Variants in SIGIRR observed in about 807,000 individuals in gnomAD.
SIGIRR encodes the protein single Ig and TIR domain containing.
Under a neutral mutation model 45.6 loss-of-function variants are expected in SIGIRR, and 41 were observed. The ratio of observed to expected loss-of-function variants is 0.90; its 90% CI spans 0.70 to 1.17. SIGIRR has a LOEUF of 1.17. SIGIRR is among the 50% of genes most tolerant of loss of function. SIGIRR has a pLI of 0.00. For missense variants in SIGIRR, 599 were observed against 539.6 expected, an observed-to-expected ratio of 1.11 and a Z score of -1.09; for synonymous variants, 298 against 239.0, an observed-to-expected ratio of 1.25 and a Z score of -2.28.
At position 407,179 on chromosome 11, in the gene SIGIRR, G is replaced by C. The variant is rs774605621; in HGVS notation, c.626-15C>G. The C allele has an allele frequency of 7.3e-7, 1 of 1,376,814 alleles. No individual in the cohort carries two copies. Among genetic ancestry groups the C allele is most frequent in the South Asian group, 1.4e-5 (1 of 69,060 alleles). The allele number at this position is 1,376,814 out of a possible 1,614,324, so 85.3% of individuals were successfully genotyped here. ...GGCGGAGGGCTCTGCGGGAGGGCGG[G>C]CGTCGGCGGCGCAGGGGCGGGGGCG... On this transcript the variant is annotated splice_polypyrimidine_tract_variant and intron_variant, in intron 6 of 9. Transcript: ENST00000431843.
chr11:407,461 G>A lies in SIGIRR; in HGVS notation c.589C>T (p.Leu197Phe). Residue 197 changes from leucine (L) to phenylalanine (F), a missense_variant, in exon 6 of 10, where the codon CTC (leucine) becomes TTC (phenylalanine). Leu to Phe is a conservative substitution (Grantham distance 22). Transcript: ENST00000431843. The part of the protein sequence containing the change: ...PQLERRRGYK[L>F]FLDDRDLLPR... The stretch of plus-strand genomic sequence containing the variant: ...AGGAGGTCGCGGTCGTCCAGGAAGA[G>A]CTTGTAGCCCCGACGCCGCTCCAGC... 1.3e-6 allele frequency: 2 copies of A among 1,564,064 alleles called. No individual in the cohort carries two copies.
intron 2 of SIGIRR, 60 bp downstream of exon 2, chr11:409,808 G>A: frequency 7.3e-7 from 1 of 1,368,848 alleles, no homozygotes; most frequent in Non-Finnish European, 9.5e-7. Flanking sequence ...TGTGGAGCCA[G>A]CCTGAGGGGC....
At chr11:409,833 G>A in intron 2 of SIGIRR, 35 bp downstream of exon 2, 1 of 1,365,922 alleles carries the variant, frequency 7.3e-7, no homozygotes, top group Non-Finnish European at 9.5e-7. Context: ...GGTGGGAGTG[G>A]GGAATTCAAG....
intron 8 of SIGIRR, 137 bp downstream of exon 8, chr11:406,706 G>A (rs1320388371): frequency 2.1e-6 from 3 of 1,413,568 alleles, no homozygotes; most frequent in African/African-American, 2.9e-5. Flanking sequence ...GCCCCAGGCA[G>A]CGGAACCTCC....
In SIGIRR at chr11:406,549, G is replaced by A; in HGVS notation, c.880-11C>T. 1 of 1,602,522 alleles carries A rather than the reference G, an allele frequency of 6.2e-7. No homozygotes were observed. The highest frequency in any genetic ancestry group is 8.5e-7 in the Non-Finnish European group (1 of 1,173,620). On this transcript the variant is annotated splice_polypyrimidine_tract_variant and intron_variant, in intron 8 of 9. Transcript: ENST00000431843. ...ATCGGAGGAAGGAGTCTGGGGGCCA[G>A]GTCGGGGCGGTTTGCAGGTGTGAAC... is the stretch of plus-strand genomic sequence containing the variant.
intron 1 of SIGIRR, among the ~76,000 whole-genome samples, chr11:414,381 A>C: frequency 9.7e-6 from 1 of 103,410 alleles, no homozygotes. Flanking sequence ...TCCCCTCCCT[A>C]ACTTCCCCTG....
chr11:407,163 C>T lies in SIGIRR; in HGVS notation c.627G>A (p.Glu209=), dbSNP rs1241152215. The T allele has an allele frequency of 6.9e-7, 1 of 1,452,298 alleles. No individual in the cohort carries two copies. Among genetic ancestry groups the T allele is most frequent in the Admixed American group, 2.4e-5 (1 of 42,474 alleles). The allele number at this position is 1,452,298 out of a possible 1,614,324, so 90.0% of individuals were successfully genotyped here. A position where few individuals can be genotyped will look rare whatever the true frequency, so the allele number is the denominator to read the frequency against. The change falls in exon 7 of 10, where the codon GAG becomes GAA. Residue 209 remains glutamate, a splice_region_variant and synonymous_variant. Coordinates refer to ENST00000431843, the MANE Select transcript of SIGIRR (RefSeq NM_001135054.2). Reference sequence around the variant, plus strand: ...GGTTCACCAAGAGGTCGGCGGAGGGCTCTGCGGGAGGGCGGGCGTCGGCGG... The same window carrying T: ...GGTTCACCAAGAGGTCGGCGGAGGGTTCTGCGGGAGGGCGGGCGTCGGCGG... The part of the protein sequence containing the change: ...LDDRDLLPRA[E]PSADLLVNLS...
At position 406,439 on chromosome 11, in the gene SIGIRR, C is replaced by G; in HGVS notation, c.979G>C (p.Asp327His). ...EGDPQTQLQD[D>H]KDPMLILRGR... is the part of the protein sequence containing the mutation. Reference sequence around the variant, plus strand: ...CGAAGAATCAGCATGGGGTCCTTGTCGTCCTGCAGCTGCGTCTGGGGGTCT... The same window carrying G: ...CGAAGAATCAGCATGGGGTCCTTGTGGTCCTGCAGCTGCGTCTGGGGGTCT... The change falls in exon 9 of 10, where the codon GAC becomes CAC. Residue 327 changes from aspartate to histidine, a missense_variant. Asp to His is a moderately conservative substitution (Grantham distance 81, BLOSUM62 -1). Coordinates refer to ENST00000431843, the MANE Select transcript of SIGIRR (RefSeq NM_001135054.2). 3 of 1,612,756 alleles carry G rather than the reference C, an allele frequency of 1.9e-6. No homozygotes were observed. The highest frequency in any genetic ancestry group is 2.5e-6 in the Non-Finnish European group (3 of 1,179,918).
Position 407,905 on chromosome 11 carries a change from G to A in SIGIRR, c.393C>T (p.Ala131=), listed in dbSNP as rs1240565120. The change falls in exon 5 of 10, where the codon GCC becomes GCT. Residue 131 remains alanine (A), a synonymous_variant. Coordinates refer to ENST00000431843, the MANE Select transcript of SIGIRR (RefSeq NM_001135054.2). The part of the protein sequence containing the change: ...AVLASLLVLL[A]LLLAALLYVK... ...CATAGAGCAGGGCGGCCAGCAGCAGGGCCAGCAGGACCAGGAGGGAGGCCA... is the reference window on the plus strand; with the variant it reads ...CATAGAGCAGGGCGGCCAGCAGCAGAGCCAGCAGGACCAGGAGGGAGGCCA... 5.6e-6 allele frequency: 9 copies of A among 1,612,366 alleles called. No homozygotes were observed. The highest frequency in any genetic ancestry group is 1.7e-4 in the Middle Eastern group (1 of 6,060).
chr11:415,596 C>T (rs1017747013), upstream of SIGIRR, among the ~76,000 whole-genome samples: 2 of 152,188 alleles, frequency 1.3e-5, no homozygotes, highest in African/African-American at 4.8e-5. The surrounding 1 kb of genome is among the most constrained non-coding windows in gnomAD (Gnocchi z 6.6). Context: ...GCCCTCTCCC[C>T]GTCCCTCTCC....
chr11:410,617 G>GT (rs1465931904), intron 1 of SIGIRR, among the ~76,000 whole-genome samples: 3 of 35,700 alleles, frequency 8.4e-5, no homozygotes, highest in African/African-American at 4.9e-4. Context: ...TCTGGATGCA[G>GT]TCGGGGGGGG....
intron 1 of SIGIRR, among the ~76,000 whole-genome samples, chr11:413,363 T>TC (rs1344493799): frequency 6.6e-6 from 1 of 151,964 alleles, no homozygotes; most frequent in Non-Finnish European, 1.5e-5. Flanking sequence ...TGGAGGACAC[T>TC]CCAAGGAAAG....
At chr11:406,164 G>A (rs377736261) in intron 9 of SIGIRR, 105 bp from the exon 10 acceptor site, 1 of 1,537,780 alleles carries the variant, frequency 6.5e-7, no homozygotes, top group South Asian at 1.2e-5. Flanking sequence ...TGGCCTGTGA[G>A]GCCCAGGAAG....
In SIGIRR at chr11:407,441, G is replaced by A. The variant is rs377142758; in HGVS notation, c.609C>T (p.Asp203=). The part of the protein sequence containing the change: ...RGYKLFLDDR[D]LLPRAEPSAD... ...CCGGGATACCAGCGCGCGGCAGGAG[G>A]TCGCGGTCGTCCAGGAAGAGCTTGT... Residue 203 remains aspartate (D), a synonymous_variant, in exon 6 of 10, where the codon GAC becomes GAT. Transcript: ENST00000431843. 3.2e-3 allele frequency: 5,030 copies of A among 1,551,312 alleles called. 17 individuals are homozygous for A. Among genetic ancestry groups the A allele is most frequent in the Middle Eastern group, 0.013 (74 of 5,710 alleles).
At chr11:407,318 G>A in intron 6 of SIGIRR, 107 bp downstream of exon 6, 2 of 894,758 alleles carry the variant, frequency 2.2e-6, no homozygotes, top group Non-Finnish European at 1.6e-6. Context: ...GGGCGGGGAT[G>A]GGGGCGGAGC....
At chr11:410,600 G>C (rs1295647530) in intron 1 of SIGIRR, among the ~76,000 whole-genome samples, 1 of 89,500 alleles carries the variant, frequency 1.1e-5, no homozygotes, top group African/African-American at 4.6e-5. Context: ...GCTTAGCTCT[G>C]ACCATGTCTG....
In SIGIRR at chr11:408,726, C is replaced by A; in HGVS notation, c.175G>T (p.Gly59Trp). ...WLKDGLPLGI[G>W]GHYSLHEYSW... ...TACTCGTGGAGGCTGTAGTGGCCCC[C>A]AATTCCCAATGGAAGCCCGTCTTTC... Residue 59 changes from glycine (G) to tryptophan (W), a missense_variant, in exon 3 of 10, where the codon GGG (glycine) becomes TGG (tryptophan). Gly to Trp is a radical substitution (Grantham distance 184). Transcript: ENST00000431843. The A allele has an allele frequency of 3.1e-6, 5 of 1,612,768 alleles. No homozygotes were observed. The highest frequency in any genetic ancestry group is 3.3e-4 in the Middle Eastern group (2 of 6,046).
At position 405,867 on chromosome 11, in the gene SIGIRR, C is replaced by T. The variant is rs371863632; in HGVS notation, c.*29G>A. On this transcript the variant is annotated 3_prime_UTR_variant, in exon 10 of 10. Coordinates refer to ENST00000431843, the MANE Select transcript of SIGIRR (RefSeq NM_001135054.2). Reference sequence around the variant, plus strand: ...ACGCCGCTGCCCTGGCCCCCGCTGTCCCTATGATCCTGCACTCTGGGGTGG... The same window carrying T: ...ACGCCGCTGCCCTGGCCCCCGCTGTTCCTATGATCCTGCACTCTGGGGTGG... 6.4e-7 allele frequency: 1 copy of T among 1,566,234 alleles called. No homozygotes were observed. The highest frequency in any genetic ancestry group is 8.7e-7 in the Non-Finnish European group (1 of 1,151,232).
In SIGIRR at chr11:407,074, C is replaced by T. The variant is rs1055205891; in HGVS notation, c.716G>A (p.Ser239Asn). Residue 239 changes from serine (S) to asparagine (N), a missense_variant, in exon 7 of 10, where the codon AGC (serine) becomes AAC (asparagine). Transcript: ENST00000431843. ...GCGCGGGACCCACCGGAAGCTGTGG[C>T]TGCACCAGGCCCGGCTCAGGAAGGC... is the stretch of plus-strand genomic sequence containing the variant. ...SDAFLSRAWC[S>N]HSFREGLCRL... 6.3e-7 allele frequency: 1 copy of T among 1,578,586 alleles called. No homozygotes were observed. Among genetic ancestry groups the T allele is most frequent in the Non-Finnish European group, 8.6e-7 (1 of 1,168,220 alleles).
Sources: allele counts gnomAD v4.1 joint callset (sites outside exome capture counted in the v4.1 genomes callset), GRCh38; gene constraint gnomAD v4.1.1; non-coding constraint Gnocchi (gnomAD v3.1); transcripts MANE v1.5; gene names NCBI Gene and HGNC (gene_info 2026-07-23, HGNC 2026-07-21).